PREPL: variants seen among roughly 807,000 people sequenced by gnomAD.
PREPL encodes the protein prolyl endopeptidase-like.
PREPL carries 77 observed loss-of-function variants against 70.6 expected under a neutral mutation model. The ratio of observed to expected loss-of-function variants is 1.09; its 90% confidence interval spans 0.91 to 1.32. PREPL has a LOEUF of 1.32. Among genes scored for constraint, PREPL ranks in the 40% most tolerant of loss-of-function variants. PREPL has a pLI of 0.00. For missense variants in PREPL, 1,002 were observed against 778.2 expected, an observed-to-expected ratio of 1.29 and a Z score of -3.42; for synonymous variants, 315 against 264.8, an observed-to-expected ratio of 1.19 and a Z score of -1.84.
chr2:44,321,236 AT>A lies in PREPL; in HGVS notation c.*119del. 2.2e-6 allele frequency: 2 copies of A among 898,804 alleles called. No individual in the cohort carries two copies. Among genetic ancestry groups the A allele is most frequent in the South Asian group, 3.6e-5 (2 of 56,102 alleles). 55.7% of individuals were successfully genotyped at this position (898,804 alleles called of 1,614,324 possible). A position where few individuals can be genotyped will look rare whatever the true frequency, so the allele number is the denominator to read the frequency against. On this transcript the variant is annotated 3_prime_UTR_variant, in exon 14 of 14. Transcript: ENST00000409411. ...AAGCAAAATTTAGATGGAGAAGCAC[AT>A]TTTAAAAAATTAATAACTTAAAAGT...
chr2:44,320,146 A>C lies in PREPL; in HGVS notation c.*1210T>G. The C allele has an allele frequency of 6.8e-7, 1 of 1,462,620 alleles. No homozygotes were observed. The highest frequency in any genetic ancestry group is 9.4e-7 in the Non-Finnish European group (1 of 1,059,158). The allele number at this position is 1,462,620 out of a possible 1,614,324, so 90.6% of individuals were successfully genotyped here. A position where few individuals can be genotyped will look rare whatever the true frequency, so the allele number is the denominator to read the frequency against. Reference sequence around the variant, plus strand: ...TCCTTACAATATATTAAAAATACTTACAAACAATTCTTAGAATCAAACACT... The same window carrying C: ...TCCTTACAATATATTAAAAATACTTCCAAACAATTCTTAGAATCAAACACT... On this transcript the variant is annotated 3_prime_UTR_variant, in exon 14 of 14. Transcript: ENST00000409411.
intron 10 of PREPL, among the ~76,000 whole-genome samples, chr2:44,325,466 C>G (rs922600259): frequency 6.6e-6 from 1 of 152,128 alleles, no homozygotes; most frequent in Non-Finnish European, 1.5e-5. Context: ...GCCCTTTAAT[C>G]CCTTTTCTGC....
In PREPL at chr2:44,320,785, T is replaced by A. The variant is rs1291934883; in HGVS notation, c.*571A>T. Reference sequence around the variant, plus strand: ...TGAATGTAACTGCTTTAAGAAAGGTTCTCAAATGTTTTGAAAAAAATAAAA... The same window carrying A: ...TGAATGTAACTGCTTTAAGAAAGGTACTCAAATGTTTTGAAAAAAATAAAA... On this transcript the variant is annotated 3_prime_UTR_variant, in exon 14 of 14. Coordinates refer to ENST00000409411, the MANE Select transcript of PREPL (RefSeq NM_001171613.2). 1.4e-6 allele frequency: 1 copy of A among 713,072 alleles called. No individual in the cohort carries two copies. The highest frequency in any genetic ancestry group is 2.4e-6 in the Non-Finnish European group (1 of 415,776). 44.2% of individuals were successfully genotyped at this position (713,072 alleles called of 1,614,324 possible).
At chr2:44,329,641 C>A (rs1673888189) in intron 8 of PREPL, among the ~76,000 whole-genome samples, 1 of 152,066 alleles carries the variant, frequency 6.6e-6, no homozygotes, top group African/African-American at 2.4e-5. Context: ...CTACCACAAT[C>A]CTCTTCAAAG....
rs1368260886 is a variant in PREPL, at chr2:44,319,240, A to C, written c.*2116T>G. On this transcript the variant is annotated 3_prime_UTR_variant, in exon 14 of 14. Coordinates refer to ENST00000409411, the MANE Select transcript of PREPL (RefSeq NM_001171613.2). Reference sequence around the variant, plus strand: ...AATAACAACTATCACCCCAGTAAACATGGCTGGCAAGAATACAATTAAATG... The same window carrying C: ...AATAACAACTATCACCCCAGTAAACCTGGCTGGCAAGAATACAATTAAATG... The C allele has an allele frequency of 6.6e-6, 1 of 152,630 alleles. No individual in the cohort carries two copies. The highest frequency in any genetic ancestry group is 2.4e-5 in the African/African-American group (1 of 41,454). The allele number at this position is 152,630 out of a possible 1,614,324, so 9.5% of individuals were successfully genotyped here.
At position 44,346,832 on chromosome 2, in the gene PREPL, G is replaced by C. The variant is rs573690931; in HGVS notation, c.-48-442C>G. Among the ~76,000 whole-genome samples, 3 of 152,106 alleles carry C rather than the reference G, an allele frequency of 2.0e-5. No individual in the cohort carries two copies. The East Asian group carries it at 5.8e-4, about 29-fold the overall frequency. On this transcript the variant is annotated intron_variant, in intron 1 of 13. Coordinates refer to ENST00000409411, the MANE Select transcript of PREPL (RefSeq NM_001171613.2). ...TTCCTAAAAGAAGGGAAATATCAAA[G>C]AAGTGGAAGACATTATCACTACTAA...
At chr2:44,325,734 C>G (rs1265430428) in intron 10 of PREPL, among the ~76,000 whole-genome samples, 3 of 152,046 alleles carry the variant, frequency 2.0e-5, no homozygotes, top group African/African-American at 7.2e-5. Flanking sequence ...TACTATTTAA[C>G]ACTTATTTAC....
At chr2:44,322,257 G>C (rs1445640170) in intron 12 of PREPL, among the ~76,000 whole-genome samples, 1 of 152,104 alleles carries the variant, frequency 6.6e-6, no homozygotes, top group Non-Finnish European at 1.5e-5. Context: ...CAGGGAGACT[G>C]ATATGGCATG....
rs1674943105 is a variant in PREPL at position 44,339,089 on chromosome 2, GA to G, written c.702+57del. ...AGCTCTTGGAGCAAGAAATGTTGTT[GA>G]TCGAAGTGTGACACTTCTTAACAGC... On this transcript the variant is annotated intron_variant, in intron 6 of 13. Transcript: ENST00000409411. 2.5e-6 allele frequency: 4 copies of G among 1,592,606 alleles called. No homozygotes were observed. In the Admixed American group the frequency reaches 6.9e-5, roughly 27 times the overall value.
At chr2:44,346,090 G>A (rs1198445957) in intron 2 of PREPL, among the ~76,000 whole-genome samples, 178 bp downstream of exon 2, 1 of 152,058 alleles carries the variant, frequency 6.6e-6, no homozygotes, top group African/African-American at 2.4e-5. Flanking sequence ...AGATGTAAAG[G>A]ATCACATTCT....
At chr2:44,327,100 G>A (rs529752002) in intron 9 of PREPL, among the ~76,000 whole-genome samples, 172 bp from the exon 10 acceptor site, 3 of 152,132 alleles carry the variant, frequency 2.0e-5, no homozygotes, top group East Asian at 1.9e-4. Flanking sequence ...AACTGTACGC[G>A]GCCTGCAAAG....
chr2:44,334,496 G>C (rs1400715063), intron 7 of PREPL, among the ~76,000 whole-genome samples: 1 of 152,094 alleles, frequency 6.6e-6, no homozygotes, highest in African/African-American at 2.4e-5. Context: ...TGGTGACCAA[G>C]GATACGAGGC....
chr2:44,344,627 T>C, intron 2 of PREPL, 41 bp from the exon 3 acceptor site: 2 of 1,447,300 alleles, frequency 1.4e-6, no homozygotes. Flanking sequence ...AATAATTTAA[T>C]TAACCTTTTC....
At chr2:44,357,610 G>A (rs1254131036) in intron 1 of PREPL, among the ~76,000 whole-genome samples, 3 of 152,148 alleles carry the variant, frequency 2.0e-5, no homozygotes, top group African/African-American at 7.2e-5. Context: ...AAAAGAGAAC[G>A]GAAAAGTTGC....
chr2:44,323,432 CTT>C, intron 10 of PREPL, 21 bp from the exon 11 acceptor site: 1 of 1,555,542 alleles, frequency 6.4e-7, no homozygotes, highest in South Asian at 1.2e-5. Flanking sequence ...GGCAAAGAAA[CTT>C]ATACTTCAAG....
chr2:44,323,907 C>T (rs1184511536), intron 10 of PREPL, among the ~76,000 whole-genome samples: 1 of 152,110 alleles, frequency 6.6e-6, no homozygotes, highest in African/African-American at 2.4e-5. Context: ...CCATATGATC[C>T]AGCAATTCCA....
intron 7 of PREPL, 62 bp downstream of exon 7, chr2:44,338,289 T>C: frequency 7.1e-7 from 1 of 1,417,684 alleles, no homozygotes; most frequent in South Asian, 1.3e-5. Context: ...TGTGATGTTC[T>C]GTTAAGCTAA....
chr2:44,327,820 G>A (rs1221952502), intron 9 of PREPL, among the ~76,000 whole-genome samples: 2 of 151,832 alleles, frequency 1.3e-5, no homozygotes, highest in Non-Finnish European at 2.9e-5. Context: ...CGGAGATTGC[G>A]CCACTGCACT....
chr2:44,341,616 G>A (rs1675227962), intron 5 of PREPL, among the ~76,000 whole-genome samples: 1 of 151,574 alleles, frequency 6.6e-6, no homozygotes, highest in African/African-American at 2.4e-5. Context: ...GTGTCTAAGA[G>A]AATATACGAA....
Sources: gnomAD v4.1 joint callset for allele counts (sites outside exome capture counted in the v4.1 genomes callset) on GRCh38, gnomAD v4.1.1 for gene constraint, MANE v1.5 for transcripts, NCBI Gene and HGNC (gene_info 2026-07-23, HGNC 2026-07-21) for gene names.